The following AGTPBP1 variants were observed in gnomAD, a reference collection of about 807,000 sequenced individuals.
AGTPBP1 encodes the protein cytosolic carboxypeptidase 1.
Under a neutral mutation model 143.9 loss-of-function variants are expected in AGTPBP1, and 70 were observed. The observed-to-expected ratio is 0.49, with a 90% CI of 0.40 to 0.59. The LOEUF is 0.59. Among genes scored for constraint, AGTPBP1 ranks in the 20% least tolerant of loss-of-function variants. The pLI, the probability that AGTPBP1 is intolerant of heterozygous loss-of-function variation, is 0.00. For synonymous variants in AGTPBP1, 463 were observed against 500.2 expected (o/e 0.93, Z 0.99); for missense variants, 1,229 against 1,464.5 (o/e 0.84, Z 2.62).
chr9:85,668,194 T>C (rs1247908215), intron 8 of AGTPBP1, among the ~76,000 whole-genome samples: 6 of 152,124 alleles, frequency 3.9e-5, no homozygotes, highest in Non-Finnish European at 8.8e-5. Flanking sequence ...TTATCCTCTC[T>C]ACATTTGTGT....
intron 23 of AGTPBP1, 107 bp from the exon 24 acceptor site, chr9:85,579,203 T>C (rs1828084635): frequency 8.9e-7 from 1 of 1,125,916 alleles, no homozygotes; most frequent in Non-Finnish European, 1.2e-6. Context: ...AGCAAAGCCA[T>C]GTGGATGTTC....
chr9:85,577,058 T>A (rs919379029), intron 24 of AGTPBP1, among the ~76,000 whole-genome samples: 1 of 152,266 alleles, frequency 6.6e-6, no homozygotes, highest in Non-Finnish European at 1.5e-5. Flanking sequence ...ATATCTTAGC[T>A]TTTTAAAAAT....
chr9:85,750,937 A>G, the AGTPBP1 span, among the ~76,000 whole-genome samples: 5 of 152,216 alleles, frequency 3.3e-5, no homozygotes, highest in African/African-American at 1.2e-4. Flanking sequence ...GTGACTACCT[A>G]CATTAGCTCT....
chr9:85,784,369 A>G, the AGTPBP1 span, among the ~76,000 whole-genome samples: 1 of 152,180 alleles, frequency 6.6e-6, no homozygotes, highest in East Asian at 1.9e-4. Context: ...TTTTGAAAAT[A>G]AGATGCCTTA....
chr9:85,799,402 C>T, the AGTPBP1 span, among the ~76,000 whole-genome samples: 1 of 152,058 alleles, frequency 6.6e-6, no homozygotes, highest in East Asian at 1.9e-4. Context: ...TGAGGAATTG[C>T]GACATTGTCC....
In AGTPBP1 at chr9:85,598,760, C is replaced by T. The variant is rs1178193418; in HGVS notation, c.2336-2311G>A. On this transcript the variant is annotated intron_variant, in intron 17 of 25. Transcript: ENST00000357081. Reference sequence around the variant, plus strand: ...TCCAAAATGGAGTCTTGCTCTGTTGCTCAGGCTGAAGTGCAATGGTGCGAT... The same window carrying T: ...TCCAAAATGGAGTCTTGCTCTGTTGTTCAGGCTGAAGTGCAATGGTGCGAT... Among the ~76,000 whole-genome samples the T allele has an allele frequency of 2.0e-5, 3 of 152,152 alleles. No homozygotes were observed. The East Asian group carries it at 5.8e-4, about 29-fold the overall frequency.
chr9:85,782,634 G>GAGGCAACTGACACTTAGAGA, the AGTPBP1 span, among the ~76,000 whole-genome samples: 1 of 152,168 alleles, frequency 6.6e-6, no homozygotes, highest in Admixed American at 6.5e-5. Context: ...ATTTTCAGAT[G>GAGGCAACTGACACTTAGAGA]AGGCAACTGA....
At chr9:85,746,489 C>T (rs369762531), upstream of AGTPBP1, among the ~76,000 whole-genome samples, 112 of 152,112 alleles carry the variant, frequency 7.4e-4, no homozygotes, top group African/African-American at 2.5e-3. Flanking sequence ...ATTACCTGAG[C>T]GTGGTGGTGC....
At chr9:85,585,001 GAA>G (rs1828516841) in intron 23 of AGTPBP1, among the ~76,000 whole-genome samples, 1 of 151,808 alleles carries the variant, frequency 6.6e-6, no homozygotes, top group Non-Finnish European at 1.5e-5. Flanking sequence ...CAAGTACAGA[GAA>G]AAAAAGAGTC....
chr9:85,620,599 T>G (rs1276926695), intron 15 of AGTPBP1, among the ~76,000 whole-genome samples: 1 of 152,128 alleles, frequency 6.6e-6, no homozygotes, highest in East Asian at 1.9e-4. Context: ...TAATTTTCAT[T>G]TATTTACTTA....
rs915384448 is a variant in AGTPBP1 at position 85,741,918 on chromosome 9, G to A, written c.-177C>T. 30 of 1,311,790 alleles carry A rather than the reference G, an allele frequency of 2.3e-5. No individual in the cohort carries two copies. The highest frequency in any genetic ancestry group is 4.1e-5 in the South Asian group (2 of 48,258). 81.3% of individuals were successfully genotyped at this position (1,311,790 alleles called of 1,614,324 possible). ...CAGGCGAGGCGGAGGCGGCGGCGGC[G>A]GCAGCTGCGGCGGCGGCGCTGGAGG... On this transcript the variant is annotated 5_prime_UTR_variant, in exon 1 of 26. Transcript: ENST00000357081.
At chr9:85,596,842 C>T (rs1829328832) in intron 17 of AGTPBP1, among the ~76,000 whole-genome samples, 1 of 152,116 alleles carries the variant, frequency 6.6e-6, no homozygotes, top group Non-Finnish European at 1.5e-5. Context: ...TGGGAAAACA[C>T]CACCAAAATG....
chr9:85,573,684 C>T (rs1827684631), intron 25 of AGTPBP1, among the ~76,000 whole-genome samples: 1 of 151,862 alleles, frequency 6.6e-6, no homozygotes, highest in African/African-American at 2.4e-5. Flanking sequence ...GCCGCCATCC[C>T]ATCTAGGAAG....
chr9:85,578,880 T>C, intron 24 of AGTPBP1, 40 bp downstream of exon 24: 1 of 1,589,560 alleles, frequency 6.3e-7, no homozygotes, highest in Non-Finnish European at 8.6e-7. Context: ...AGGAAAGTCT[T>C]CAAATATCTT....
At chr9:85,669,381 C>A in intron 8 of AGTPBP1, 104 bp downstream of exon 8, 1 of 533,448 alleles carries the variant, frequency 1.9e-6, no homozygotes. Flanking sequence ...AATGAAATAA[C>A]CCTGGAGACA....
chr9:85,552,166 A>G (rs1190498226), intron 25 of AGTPBP1, among the ~76,000 whole-genome samples: 1 of 152,246 alleles, frequency 6.6e-6, no homozygotes. Flanking sequence ...CAAGAAAAAC[A>G]TCAAAACTTT....
At chr9:85,734,264 A>C (rs936618283) in intron 1 of AGTPBP1, among the ~76,000 whole-genome samples, 1 of 152,100 alleles carries the variant, frequency 6.6e-6, no homozygotes, top group East Asian at 1.9e-4. Flanking sequence ...ACAAACAAAC[A>C]AAAAAACCTC....
Position 85,677,548 on chromosome 9 carries a change from T to G in AGTPBP1, c.324A>C (p.Lys108Asn). ...GGRRVSFLVT[K>N]GGSQILLQLL... Reference sequence around the variant, plus strand: ...ACTGCAACAATATTTGTGAACCACCTTTGGTGACTAAGAAACTCACTCTTC... The same window carrying G: ...ACTGCAACAATATTTGTGAACCACCGTTGGTGACTAAGAAACTCACTCTTC... Residue 108 changes from lysine to asparagine, a missense_variant, in exon 6 of 26, where the codon AAA becomes AAC. This residue lies in a region of AGTPBP1 where 743 missense variants were observed against 812.2 expected (regional missense o/e 0.91). Coordinates refer to ENST00000357081, the MANE Select transcript of AGTPBP1 (RefSeq NM_001330701.2). 1 of 1,584,138 alleles carries G rather than the reference T, an allele frequency of 6.3e-7. No individual in the cohort carries two copies. Among genetic ancestry groups the G allele is most frequent in the Non-Finnish European group, 8.6e-7 (1 of 1,168,232 alleles).
Position 85,596,434 on chromosome 9 carries a change from A to G in AGTPBP1, c.2351T>C (p.Met784Thr). ...ATTTAATGCTTCCTGAACCGAATAC[A>G]TGAGTGGTTGCATACCTTTGAAAGA... is the stretch of plus-strand genomic sequence containing the variant. ...SQFNYGMQPL[M>T]YSVQEALNAR... The change falls in exon 18 of 26, where the codon ATG becomes ACG. Residue 784 changes from methionine (M) to threonine (T), a missense_variant. By Grantham distance (81) the Met-to-Thr change is moderately conservative. Coordinates refer to ENST00000357081, the MANE Select transcript of AGTPBP1 (RefSeq NM_001330701.2). The G allele has an allele frequency of 6.2e-7, 1 of 1,605,536 alleles. No individual in the cohort carries two copies. The highest frequency in any genetic ancestry group is 1.1e-5 in the South Asian group (1 of 89,936).
Sources: gnomAD v4.1 joint callset for allele counts (sites outside exome capture counted in the v4.1 genomes callset) on GRCh38, gnomAD v4.1.1 for gene constraint, gnomAD v4.1.1 regional missense constraint, MANE v1.5 for transcripts, NCBI Gene and HGNC (gene_info 2026-07-23, HGNC 2026-07-21) for gene names.